Variants in SLC39A11 observed in about 807,000 individuals in gnomAD.
SLC39A11 encodes solute carrier family 39 member 11, also known as zinc transporter ZIP11.
In SLC39A11, 33 loss-of-function variants were observed where a neutral mutation model predicts 36.1. The ratio of observed to expected loss-of-function variants is 0.91; its 90% CI spans 0.69 to 1.22. The LOEUF is 1.22. Among genes scored for constraint, SLC39A11 ranks in the 50% most tolerant of loss-of-function variants. The probability of loss-of-function intolerance (pLI) is 0.00; values close to 1 mark genes in which losing one functional copy is unlikely to be tolerated. For synonymous variants in SLC39A11, 166 were observed against 170.3 expected (o/e 0.97, Z 0.20); for missense variants, 432 against 430.3 (o/e 1.00, Z -0.03).
chr17:72,661,512 G>A (rs1477854323), intron 7 of SLC39A11, among the ~76,000 whole-genome samples: 1 of 152,214 alleles, frequency 6.6e-6, no homozygotes, highest in Non-Finnish European at 1.5e-5. Context: ...TGCGATGAGC[G>A]TGTGTGTTCT....
intron 4 of SLC39A11, among the ~76,000 whole-genome samples, chr17:72,948,568 G>A (rs2085607194): frequency 6.6e-6 from 1 of 152,174 alleles, no homozygotes; most frequent in Non-Finnish European, 1.5e-5. Flanking sequence ...GATCAAAAGA[G>A]GAGATCCAAA....
chr17:72,890,218 T>C (rs914251563), intron 5 of SLC39A11, among the ~76,000 whole-genome samples: 6 of 150,782 alleles, frequency 4.0e-5, no homozygotes, highest in Admixed American at 1.3e-4. Context: ...TGAGCCGAGA[T>C]AGCGCCACTG....
intron 4 of SLC39A11, among the ~76,000 whole-genome samples, chr17:72,987,517 G>GT (rs2088847201): frequency 6.6e-6 from 1 of 152,134 alleles, no homozygotes; most frequent in South Asian, 2.1e-4. Context: ...AAAGAAATCA[G>GT]TAAGAGGTAC....
intron 6 of SLC39A11, among the ~76,000 whole-genome samples, chr17:72,812,999 C>T (rs1242184401): frequency 6.6e-6 from 1 of 152,178 alleles, no homozygotes; most frequent in Non-Finnish European, 1.5e-5. Flanking sequence ...ATCCGATTTT[C>T]TCTTCCAGAA....
At chr17:72,665,410 T>TTTTTTA (rs2070706791) in intron 7 of SLC39A11, among the ~76,000 whole-genome samples, 1 of 146,292 alleles carries the variant, frequency 6.8e-6, no homozygotes, top group African/African-American at 2.6e-5. Context: ...TTTTTTTTTT[T>TTTTTTA]GAGACAGGGT....
In SLC39A11 at chr17:72,866,264, T is replaced by C. The variant is rs540826210; in HGVS notation, c.431-16460A>G. 3.9e-5 allele frequency among the ~76,000 whole-genome samples: 6 copies of C among 152,348 alleles called. No homozygotes were observed. In the East Asian group the frequency reaches 1.2e-3, roughly 29 times the overall value. Reference sequence around the variant, plus strand: ...AGGGATCTAGGTTGCATGCTCCTTATGAGAATCTAATGCCTGATGATCTGT... The same window carrying C: ...AGGGATCTAGGTTGCATGCTCCTTACGAGAATCTAATGCCTGATGATCTGT... On this transcript the variant is annotated intron_variant, in intron 5 of 9. Coordinates refer to ENST00000255559, the MANE Select transcript of SLC39A11 (RefSeq NM_139177.4).
In SLC39A11 at chr17:72,808,457, G is replaced by A. The variant is rs537342024; in HGVS notation, c.601+41177C>T. On this transcript the variant is annotated intron_variant, in intron 6 of 9. Coordinates refer to ENST00000255559, the MANE Select transcript of SLC39A11 (RefSeq NM_139177.4). Reference sequence around the variant, plus strand: ...CCTCCCTAAAACTGATCCCCTTCCTGTTCAGGGACTGAAACTGGCTTTGTA... The same window carrying A: ...CCTCCCTAAAACTGATCCCCTTCCTATTCAGGGACTGAAACTGGCTTTGTA... Among the ~76,000 whole-genome samples, 7 of 152,310 alleles carry A rather than the reference G, an allele frequency of 4.6e-5. No homozygotes were observed. In the South Asian group the frequency reaches 1.4e-3, roughly 32 times the overall value.
chr17:72,900,212 A>AGAAAGAAG lies in SLC39A11; in HGVS notation c.430+47539_430+47540insCTTCTTTC, dbSNP rs1567913187. On this transcript the variant is annotated intron_variant, in intron 5 of 9. Transcript: ENST00000255559. ...AAGAAAGAAAGAAAGAAAGAAAGAA[A>AGAAAGAAG]GAAAGAAAGAAAGAAAGAAAAAGAC... Among the ~76,000 whole-genome samples the AGAAAGAAG allele has an allele frequency of 6.0e-4, 62 of 103,548 alleles. 7 individuals are homozygous for AGAAAGAAG. The highest frequency in any genetic ancestry group is 2.4e-3 in the African/African-American group (60 of 24,890). 67.9% of individuals were successfully genotyped at this position (103,548 alleles called of 152,430 possible).
Position 72,936,411 on chromosome 17 carries a change from TAAAAAAAAAAAAA to T in SLC39A11, c.430+11328_430+11340del, listed in dbSNP as rs746428868. ...TGGCAGTATCTCATCTGAAAAAAAG[TAAAAAAAAAAAAA>T]AAAAAAAAAAAAAAAAAATTCCCCT... is the stretch of plus-strand genomic sequence containing the variant. On this transcript the variant is annotated intron_variant, in intron 5 of 9. Transcript: ENST00000255559. 2.0e-4 allele frequency among the ~76,000 whole-genome samples: 15 copies of T among 73,446 alleles called. No homozygotes were observed. In the South Asian group the frequency reaches 2.5e-3, roughly 12 times the overall value. 48.2% of individuals were successfully genotyped at this position (73,446 alleles called of 152,430 possible).
At chr17:72,692,528 A>C (rs778086192) in intron 7 of SLC39A11, among the ~76,000 whole-genome samples, 12 of 152,190 alleles carry the variant, frequency 7.9e-5, no homozygotes, top group Non-Finnish European at 1.8e-4. Context: ...AGGAAGAGGT[A>C]AAAGTGGAAA....
intron 6 of SLC39A11, among the ~76,000 whole-genome samples, chr17:72,746,452 C>CA (rs1568022241): frequency 2.0e-4 from 14 of 69,672 alleles, no homozygotes; most frequent in African/African-American, 6.0e-4. Flanking sequence ...CCCATCTCTA[C>CA]AAAAAATTAA....
At chr17:72,736,041 T>C (rs1311464087) in intron 7 of SLC39A11, among the ~76,000 whole-genome samples, 1 of 152,068 alleles carries the variant, frequency 6.6e-6, no homozygotes, top group Non-Finnish European at 1.5e-5. Context: ...TATAGGAACA[T>C]ATTCAGGACA....
intron 5 of SLC39A11, among the ~76,000 whole-genome samples, chr17:72,889,686 A>G (rs560680613): frequency 6.6e-6 from 1 of 152,368 alleles, no homozygotes; most frequent in East Asian, 1.9e-4. Context: ...TCAACAGCAC[A>G]TAATTTTTAC....
chr17:72,882,175 A>G (rs911360690), intron 5 of SLC39A11, among the ~76,000 whole-genome samples: 1 of 152,106 alleles, frequency 6.6e-6, no homozygotes, highest in Non-Finnish European at 1.5e-5. Flanking sequence ...CAACATGTCG[A>G]AACCTCATCT....
intron 6 of SLC39A11, among the ~76,000 whole-genome samples, chr17:72,797,586 T>G (rs2076937127): frequency 1.3e-5 from 2 of 152,054 alleles, no homozygotes; most frequent in South Asian, 4.1e-4. Context: ...TTGACTGTGG[T>G]GCACACATTC....
chr17:72,888,967 G>C (rs998595491), intron 5 of SLC39A11, among the ~76,000 whole-genome samples: 1 of 152,056 alleles, frequency 6.6e-6, no homozygotes, highest in African/African-American at 2.4e-5. Flanking sequence ...CAGTTGCAGA[G>C]ACATGGTGTG....
chr17:72,994,917 G>T (rs2148333137), intron 4 of SLC39A11, among the ~76,000 whole-genome samples: 1 of 152,298 alleles, frequency 6.6e-6, no homozygotes, highest in East Asian at 1.9e-4. Context: ...ACCCGACAAA[G>T]CATGGTGCTA....
chr17:73,015,279 G>C (rs1027047551), intron 4 of SLC39A11, among the ~76,000 whole-genome samples: 1 of 152,054 alleles, frequency 6.6e-6, no homozygotes, highest in Non-Finnish European at 1.5e-5. Context: ...CCCTGCCTTT[G>C]GGAATACTGC....
Position 72,777,587 on chromosome 17 carries a change from C to G in SLC39A11, c.602-40868G>C, listed in dbSNP as rs1284859657. Among the ~76,000 whole-genome samples, 3 of 152,184 alleles carry G rather than the reference C, an allele frequency of 2.0e-5. No homozygotes were observed. In the South Asian group the frequency reaches 6.2e-4, roughly 32 times the overall value. On this transcript the variant is annotated intron_variant, in intron 6 of 9. Coordinates refer to ENST00000255559, the MANE Select transcript of SLC39A11 (RefSeq NM_139177.4). Reference sequence around the variant, plus strand: ...GGCATGGGAACGATGCATCTACAAGCTAAGTTACACCAAGAATTATTGGTA... The same window carrying G: ...GGCATGGGAACGATGCATCTACAAGGTAAGTTACACCAAGAATTATTGGTA...
Sources: allele counts gnomAD v4.1 joint callset (sites outside exome capture counted in the v4.1 genomes callset), GRCh38; gene constraint gnomAD v4.1.1; transcripts MANE v1.5; gene names NCBI Gene and HGNC (gene_info 2026-07-23, HGNC 2026-07-21).